Variants in ITPR3 observed in about 807,000 individuals in gnomAD.
The protein encoded by ITPR3 is inositol 1,4,5-trisphosphate-gated calcium channel ITPR3.
A neutral mutation model predicts 293.2 loss-of-function variants in ITPR3; 173 were observed. The ratio of observed to expected loss-of-function variants is 0.59; its 90% CI spans 0.52 to 0.67. The LOEUF is 0.67. Among genes scored for constraint, ITPR3 ranks in the 30% least tolerant of loss-of-function variants. The pLI is 0.00. For missense variants in ITPR3, 2,796 were observed against 3,592.1 expected (o/e 0.78, Z 5.66); for synonymous variants, 1,295 against 1,444.4 (o/e 0.90, Z 2.35).
chr6:33,669,513 C>A (rs903064901), intron 18 of ITPR3, among the ~76,000 whole-genome samples: 1 of 152,234 alleles, frequency 6.6e-6, no homozygotes, highest in African/African-American at 2.4e-5. Context: ...ATGGGAATCG[C>A]TTGAACCTGG....
At position 33,684,079 on chromosome 6, in the gene ITPR3, G is replaced by C; in HGVS notation, c.4848G>C (p.Val1616=). The change falls in exon 36 of 58, where the codon GTG becomes GTC. Residue 1616 remains valine, a synonymous_variant. Coordinates refer to ENST00000605930, the MANE Select transcript of ITPR3 (RefSeq NM_002224.4). The surrounding 1 kb of genome is among the most constrained non-coding windows in gnomAD (Gnocchi z 4.2). ...LKPLVQAELS[V]LVDVLHWPEL... is the part of the protein sequence containing the mutation. ...CCCTGGTACAGGCTGAGCTGTCCGTGCTGGTGGATGTCCTGCACTGGCCTG... is the reference window on the plus strand; with the variant it reads ...CCCTGGTACAGGCTGAGCTGTCCGTCCTGGTGGATGTCCTGCACTGGCCTG... The C allele has an allele frequency of 6.2e-7, 1 of 1,611,694 alleles. No individual in the cohort carries two copies. Among genetic ancestry groups the C allele is most frequent in the Non-Finnish European group, 8.5e-7 (1 of 1,179,978 alleles).
chr6:33,664,943 G>A lies in ITPR3; in HGVS notation c.1222G>A (p.Glu408Lys), dbSNP rs760371871. The stretch of plus-strand genomic sequence containing the variant: ...GAGCACCAATGTGCCCATTGACATC[G>A]AGGAGGAGCGGCCCATCCGGCTCAT... Reference protein sequence around the residue: ...IQSTNVPIDIEEERPIRLMLG... With the variant: ...IQSTNVPIDIKEERPIRLMLG... The change falls in exon 12 of 58, where the codon GAG (glutamate) becomes AAG (lysine). Residue 408 changes from glutamate (E) to lysine (K), a missense_variant. Physicochemically the swap from Glu to Lys is moderately conservative, Grantham distance 56 (BLOSUM62 1). Coordinates refer to ENST00000605930, the MANE Select transcript of ITPR3 (RefSeq NM_002224.4). This position sits in a 1 kb window ranked among gnomAD's most constrained non-coding sequence, Gnocchi z 4.4. 11 of 1,613,762 alleles carry A rather than the reference G, an allele frequency of 6.8e-6. No homozygotes were observed. The highest frequency in any genetic ancestry group is 1.7e-5 in the Admixed American group (1 of 60,002).
rs1765398747 is a variant in ITPR3 at position 33,691,773 on chromosome 6, C to CA, written c.7331-28_7331-27insA. The CA allele has an allele frequency of 6.2e-7, 1 of 1,613,568 alleles. No individual in the cohort carries two copies. The highest frequency in any genetic ancestry group is 8.5e-7 in the Non-Finnish European group (1 of 1,179,830). ...TGTGGGGTAGGAGGAGCAGGCAGCC[C>CA]GGGCCTCAGCACACTCTCCGCTTGC... On this transcript the variant is annotated intron_variant, in intron 53 of 57. Transcript: ENST00000605930. This position sits in a 1 kb window ranked among gnomAD's most constrained non-coding sequence, Gnocchi z 4.9.
chr6:33,623,321 G>GTTTTTTTTTTTTTTTTTTTTTT lies in ITPR3; in HGVS notation c.89+1634_89+1635insTTTTTTTTTTTTTTTTTTTTTT, dbSNP rs150420581. ...CATGATGATTTTCAAGTGCCTGTGA[G>GTTTTTTTTTTTTTTTTTTTTTT]TTTTGTTTTTTTTTTTTTTTTTTAA... On this transcript the variant is annotated intron_variant, in intron 1 of 57. Transcript: ENST00000605930. 1.7e-5 allele frequency among the ~76,000 whole-genome samples: 2 copies of GTTTTTTTTTTTTTTTTTTTTTT among 118,266 alleles called. 1 individual carries two copies. Among genetic ancestry groups the GTTTTTTTTTTTTTTTTTTTTTT allele is most frequent in the African/African-American group, 6.4e-5 (2 of 31,166 alleles). The allele number at this position is 118,266 out of a possible 152,430, so 77.6% of individuals were successfully genotyped here.
At chr6:33,685,201 G>A (rs962849930) in intron 39 of ITPR3, among the ~76,000 whole-genome samples, 158 bp from the exon 40 acceptor site, 2 of 152,126 alleles carry the variant, frequency 1.3e-5, no homozygotes, top group African/African-American at 4.8e-5. Flanking sequence ...GCATGGAGCC[G>A]CCCATGGGTG....
Position 33,655,655 on chromosome 6 carries a change from C to A in ITPR3, c.161-111C>A. On this transcript the variant is annotated intron_variant, in intron 2 of 57. Coordinates refer to ENST00000605930, the MANE Select transcript of ITPR3 (RefSeq NM_002224.4). The surrounding 1 kb of genome is among the most constrained non-coding windows in gnomAD (Gnocchi z 4.9). ...CTTCCTCTCTACCTGCAGCGGGGAA[C>A]GGGGGTGGGGAAGGGTTGGGAGAGA... 1.4e-6 allele frequency: 2 copies of A among 1,406,182 alleles called. No homozygotes were observed. Among genetic ancestry groups the A allele is most frequent in the Non-Finnish European group, 9.8e-7 (1 of 1,024,664 alleles). The allele number at this position is 1,406,182 out of a possible 1,614,324, so 87.1% of individuals were successfully genotyped here. A position where few individuals can be genotyped will look rare whatever the true frequency, so the allele number is the denominator to read the frequency against.
At chr6:33,635,086 T>A (rs1763787760) in intron 1 of ITPR3, among the ~76,000 whole-genome samples, 1 of 152,140 alleles carries the variant, frequency 6.6e-6, no homozygotes, top group African/African-American at 2.4e-5. Context: ...CCATCCTGTG[T>A]CCCCTCCCTT....
At chr6:33,645,325 C>T (rs564821331) in intron 2 of ITPR3, among the ~76,000 whole-genome samples, 12 of 152,156 alleles carry the variant, frequency 7.9e-5, no homozygotes, top group South Asian at 2.1e-4. Context: ...CACAGGGAGA[C>T]GCTGTCTCAA....
At position 33,685,825 on chromosome 6, in the gene ITPR3, C is replaced by G. The variant is rs762788180; in HGVS notation, c.5665C>G (p.Gln1889Glu). 1 of 1,562,746 alleles carries G rather than the reference C, an allele frequency of 6.4e-7. No homozygotes were observed. Among genetic ancestry groups the G allele is most frequent in the Non-Finnish European group, 8.7e-7 (1 of 1,150,948 alleles). The change falls in exon 41 of 58, where the codon CAG becomes GAG. Residue 1889 changes from glutamine (Q) to glutamate (E), a missense_variant and splice_region_variant. Transcript: ENST00000605930. ...LLCENHNRDL[Q>E]NFLRCQNNKT... ...GTGTGAGAACCACAACCGGGACCTG[C>G]AGGTGAGTGCCTCGCCACACACCTG...
intron 2 of ITPR3, among the ~76,000 whole-genome samples, chr6:33,653,641 T>C (rs776656328): frequency 2.0e-5 from 3 of 152,238 alleles, no homozygotes; most frequent in Non-Finnish European, 4.4e-5. Context: ...CCCAGAACAC[T>C]GCTCATAGAT....
intron 23 of ITPR3, 72 bp downstream of exon 23, chr6:33,673,792 C>G: frequency 1.3e-6 from 2 of 1,550,950 alleles, no homozygotes; most frequent in South Asian, 2.3e-5. Flanking sequence ...GGGGTGGAGC[C>G]AGCTCCTCAG....
chr6:33,668,855 A>G, intron 17 of ITPR3, 119 bp from the exon 18 acceptor site: 2 of 1,213,992 alleles, frequency 1.6e-6, no homozygotes, highest in Non-Finnish European at 2.3e-6. Context: ...CTTGAGATGC[A>G]TATGGTCTCT....
At position 33,686,235 on chromosome 6, in the gene ITPR3, C is replaced by T. The variant is rs1765225915; in HGVS notation, c.5850C>T (p.Gly1950=). 1.9e-6 allele frequency: 3 copies of T among 1,613,756 alleles called. No homozygotes were observed. The highest frequency in any genetic ancestry group is 1.3e-5 in the African/African-American group (1 of 75,046). ...AGACCCTCACTGAGTACTGCCAGGG[C>T]CCCTGCCATGAGAACCAGGTGAGCT... The part of the protein sequence containing the change: ...TLETLTEYCQ[G]PCHENQTCIV... The change falls in exon 42 of 58, where the codon GGC becomes GGT. Residue 1950 remains glycine (G), a synonymous_variant. Coordinates refer to ENST00000605930, the MANE Select transcript of ITPR3 (RefSeq NM_002224.4).
At chr6:33,625,149 G>A (rs188272774) in intron 1 of ITPR3, among the ~76,000 whole-genome samples, 6 of 152,354 alleles carry the variant, frequency 3.9e-5, no homozygotes, top group African/African-American at 1.4e-4. Context: ...GATTGAATGT[G>A]GCCTCAGGCC....
intron 7 of ITPR3, among the ~76,000 whole-genome samples, chr6:33,660,986 G>T (rs1247854024): frequency 1.3e-5 from 2 of 151,982 alleles, no homozygotes; most frequent in Non-Finnish European, 1.5e-5. Flanking sequence ...GCATCACTTG[G>T]GCCTCACTCT....
chr6:33,659,325 G>A, intron 6 of ITPR3, 141 bp from the exon 7 acceptor site: 1 of 901,920 alleles, frequency 1.1e-6, no homozygotes. Context: ...GCCGGGCTGG[G>A]GTCTGGGGAC....
chr6:33,674,372 A>G, intron 24 of ITPR3, 107 bp downstream of exon 24: 1 of 1,059,052 alleles, frequency 9.4e-7, no homozygotes, highest in Non-Finnish European at 1.4e-6. Flanking sequence ...CCTCTCTGCC[A>G]TTCCCTCTGC....
At position 33,633,768 on chromosome 6, in the gene ITPR3, G is replaced by A. The variant is rs555549276; in HGVS notation, c.90-6716G>A. ...GCCGCGGGGGCGGGGGCGGGGCCGG[G>A]GCCGGGGCCGGACGCCCGGAGCTCG... is the stretch of plus-strand genomic sequence containing the variant. On this transcript the variant is annotated intron_variant, in intron 1 of 57. Transcript: ENST00000605930. This position sits in a 1 kb window ranked among gnomAD's most constrained non-coding sequence, Gnocchi z 5.2. Among the ~76,000 whole-genome samples the A allele has an allele frequency of 0.01, 1,521 of 145,846 alleles. 18 individuals are homozygous for A. The highest frequency in any genetic ancestry group is 0.027 in the African/African-American group (1,081 of 40,768).
At chr6:33,663,947 ACT>A (rs1363865626) in intron 11 of ITPR3, 67 bp downstream of exon 11, 2 of 1,583,244 alleles carry the variant, frequency 1.3e-6, no homozygotes, top group East Asian at 2.2e-5. Context: ...TGTCTCTGGG[ACT>A]CTCTGGATCC....
Sources: allele counts gnomAD v4.1 joint callset (sites outside exome capture counted in the v4.1 genomes callset), GRCh38; gene constraint gnomAD v4.1.1; non-coding constraint Gnocchi (gnomAD v3.1); transcripts MANE v1.5; gene names NCBI Gene and HGNC (gene_info 2026-07-23, HGNC 2026-07-21).